Variants in RBFOX1 observed in about 807,000 individuals in gnomAD.
The protein encoded by RBFOX1 is RNA binding fox-1 homolog 1, also known as RNA binding protein fox-1 homolog 1.
Under a neutral mutation model 57.7 loss-of-function variants are expected in RBFOX1, and 8 were observed. That is an observed-to-expected ratio of 0.14 (90% CI 0.08 to 0.25). The LOEUF (loss-of-function observed/expected upper bound fraction) is 0.25, where lower values mean the gene tolerates loss of function less well. Among genes scored for constraint, RBFOX1 ranks in the 10% least tolerant of loss-of-function variants. The probability of loss-of-function intolerance (pLI) is 1.00; values close to 1 mark genes in which losing one functional copy is unlikely to be tolerated. For synonymous variants in RBFOX1, 326 were observed against 222.4 expected (o/e 1.47, Z -4.15); for missense variants, 611 against 548.5 (o/e 1.11, Z -1.14).
At chr16:6,956,057 A>G (rs2081764524) in intron 3 of RBFOX1, among the ~76,000 whole-genome samples, 1 of 152,098 alleles carries the variant, frequency 6.6e-6, no homozygotes, top group African/African-American at 2.4e-5. Context: ...TAAGTGAGTT[A>G]TCTTCCCTTT....
intron 3 of RBFOX1, among the ~76,000 whole-genome samples, chr16:5,614,210 T>C (rs1021618784): frequency 6.6e-6 from 1 of 152,110 alleles, no homozygotes; most frequent in Non-Finnish European, 1.5e-5. Context: ...ACATTTTTTT[T>C]CCCTCTACAA....
chr16:5,971,070 C>A (rs1417065316), intron 4 of RBFOX1, among the ~76,000 whole-genome samples: 1 of 152,190 alleles, frequency 6.6e-6, no homozygotes, highest in Admixed American at 6.5e-5. Flanking sequence ...GTGTTCCTGT[C>A]CCCTTTCGAT....
intron 1 of RBFOX1, among the ~76,000 whole-genome samples, chr16:6,055,990 G>T (rs56244382): frequency 6.6e-6 from 1 of 151,872 alleles, no homozygotes; most frequent in African/African-American, 2.4e-5. Flanking sequence ...TGTTTCCTCT[G>T]TCTACTATGT....
rs1188419435 is a variant in RBFOX1, at chr16:7,538,892, C to G, written c.270+20503C>G. Among the ~76,000 whole-genome samples the G allele has an allele frequency of 2.8e-5, 4 of 144,018 alleles. No homozygotes were observed. In the Admixed American group the frequency reaches 2.9e-4, roughly 10 times the overall value. 94.5% of individuals were successfully genotyped at this position (144,018 alleles called of 152,430 possible). On this transcript the variant is annotated intron_variant, in intron 5 of 15. Transcript: ENST00000550418. ...CCACTCAATCTCTCCACAAGACTAG[C>G]TTGAGCTTCCTCACAGCATGGAGTT... is the stretch of plus-strand genomic sequence containing the variant.
chr16:6,269,824 T>A (rs1332545993), intron 1 of RBFOX1, among the ~76,000 whole-genome samples: 1 of 152,190 alleles, frequency 6.6e-6, no homozygotes, highest in Non-Finnish European at 1.5e-5. Context: ...ATTAATATGA[T>A]AAATTTTCCT....
chr16:6,304,876 CAAAAAAAA>C (rs58680911), intron 1 of RBFOX1, among the ~76,000 whole-genome samples: 12 of 79,676 alleles, frequency 1.5e-4, no homozygotes, highest in Non-Finnish European at 2.2e-4. Flanking sequence ...GACCCTGTCT[CAAAAAAAA>C]AAAAAAAAAA....
At chr16:7,091,811 C>A (rs2060907882) in intron 4 of RBFOX1, among the ~76,000 whole-genome samples, 1 of 152,168 alleles carries the variant, frequency 6.6e-6, no homozygotes, top group South Asian at 2.1e-4. Context: ...TCGTTATTAA[C>A]TGAGTATAGA....
intron 14 of RBFOX1, among the ~76,000 whole-genome samples, chr16:7,694,621 C>T (rs1015253347): frequency 2.4e-4 from 37 of 152,324 alleles, no homozygotes; most frequent in African/African-American, 7.9e-4. Context: ...CCCCTAGACT[C>T]GTATCTCTGC....
At chr16:5,570,858 G>C (rs908085080) in intron 2 of RBFOX1, among the ~76,000 whole-genome samples, 3 of 145,684 alleles carry the variant, frequency 2.1e-5, no homozygotes, top group Non-Finnish European at 4.5e-5. Flanking sequence ...AAAAAATAAA[G>C]CATTTCATAG....
At chr16:5,877,038 G>T (rs2057630035) in intron 4 of RBFOX1, among the ~76,000 whole-genome samples, 3 of 152,168 alleles carry the variant, frequency 2.0e-5, no homozygotes, top group Admixed American at 2.0e-4. Context: ...CAAGGGCAAA[G>T]ATTTATAAAG....
At chr16:5,490,347 C>T (rs2042785371) in intron 2 of RBFOX1, among the ~76,000 whole-genome samples, 1 of 152,190 alleles carries the variant, frequency 6.6e-6, no homozygotes, top group African/African-American at 2.4e-5. Context: ...CCTTACAGAA[C>T]AGGAAATGGA....
chr16:5,598,392 C>G (rs890060241), intron 2 of RBFOX1, among the ~76,000 whole-genome samples: 16 of 152,138 alleles, frequency 1.1e-4, no homozygotes, highest in African/African-American at 3.6e-4. Context: ...TCAGGAGTGT[C>G]AGCGGAGTCA....
chr16:7,135,654 A>C (rs1401929592), intron 4 of RBFOX1, among the ~76,000 whole-genome samples: 1 of 152,260 alleles, frequency 6.6e-6, no homozygotes, highest in East Asian at 1.9e-4. Context: ...TCCCTGAAGA[A>C]TATTGAGGAT....
intron 15 of RBFOX1, chr16:7,710,107 A>T: frequency 3.0e-6 from 3 of 1,005,578 alleles, no homozygotes; most frequent in Non-Finnish European, 3.6e-6. Flanking sequence ...GCTTAATTAC[A>T]TCAAGCAATT....
intron 3 of RBFOX1, among the ~76,000 whole-genome samples, chr16:5,751,691 A>G (rs1428388473): frequency 6.6e-6 from 1 of 152,194 alleles, no homozygotes. Flanking sequence ...GAGAATGGAA[A>G]AATACTGTTA....
chr16:6,910,221 C>G (rs562669948), intron 3 of RBFOX1, among the ~76,000 whole-genome samples: 7 of 152,162 alleles, frequency 4.6e-5, no homozygotes, highest in African/African-American at 1.4e-4. Context: ...TAAGAGGAGT[C>G]TCATGAGATG....
intron 1 of RBFOX1, among the ~76,000 whole-genome samples, chr16:6,111,389 A>G (rs532257135): frequency 3.2e-4 from 48 of 152,298 alleles, no homozygotes; most frequent in African/African-American, 1.0e-3. Context: ...CTTCAATAAG[A>G]AAATTGGACT....
intron 2 of RBFOX1, among the ~76,000 whole-genome samples, chr16:6,382,957 C>T (rs1218929398): frequency 2.0e-5 from 3 of 152,172 alleles, no homozygotes; most frequent in Non-Finnish European, 4.4e-5. Context: ...GCTCTAAATC[C>T]TGACAAGCCA....
At chr16:6,194,457 G>A (rs1012956329) in intron 1 of RBFOX1, among the ~76,000 whole-genome samples, 2 of 152,080 alleles carry the variant, frequency 1.3e-5, no homozygotes, top group Non-Finnish European at 2.9e-5. Context: ...CTGCTCTCAG[G>A]AACACTCCTT....
Sources: allele counts gnomAD v4.1 joint callset (sites outside exome capture counted in the v4.1 genomes callset), GRCh38; gene constraint gnomAD v4.1.1; transcripts MANE v1.5; gene names NCBI Gene and HGNC (gene_info 2026-07-23, HGNC 2026-07-21).